The following C3orf70 variants were observed in gnomAD, a reference collection of about 807,000 sequenced individuals.
C3orf70 encodes the protein UPF0524 protein C3orf70.
Under a neutral mutation model 20.7 loss-of-function variants are expected in C3orf70, and 15 were observed. The observed-to-expected ratio is 0.72, with a 90% CI of 0.48 to 1.11. The LOEUF is 1.11. C3orf70 is among the 50% of genes most tolerant of loss of function. The pLI, the probability that C3orf70 is intolerant of heterozygous loss-of-function variation, is 0.00. For missense variants in C3orf70, 332 were observed against 317.6 expected (o/e 1.05, Z -0.34); for synonymous variants, 161 against 125.7 (o/e 1.28, Z -1.88).
intron 1 of C3orf70, among the ~76,000 whole-genome samples, chr3:185,146,539 C>G (rs1716880221): frequency 6.6e-6 from 1 of 152,094 alleles, no homozygotes; most frequent in South Asian, 2.1e-4. Context: ...CCACCCGCCT[C>G]AGCCTCCCAA....
rs10663284 is a variant in C3orf70, at chr3:185,077,789, T to TGGGGGGGGGGGG, written c.*5217_*5218insCCCCCCCCCCCC. On this transcript the variant is annotated 3_prime_UTR_variant, in exon 2 of 2. Transcript: ENST00000335012. The stretch of plus-strand genomic sequence containing the variant: ...TGAAATAAATGCTATTTGGTGGTGG[T>TGGGGGGGGGGGG]GGGGGGGGGGTATCAAGTTTTATTT... Among the ~76,000 whole-genome samples, 2 of 124,194 alleles carry TGGGGGGGGGGGG rather than the reference T, an allele frequency of 1.6e-5. No homozygotes were observed. Among genetic ancestry groups the TGGGGGGGGGGGG allele is most frequent in the Non-Finnish European group, 1.7e-5 (1 of 59,476 alleles). 81.5% of individuals were successfully genotyped at this position (124,194 alleles called of 152,430 possible). A position where few individuals can be genotyped will look rare whatever the true frequency, so the allele number is the denominator to read the frequency against.
At chr3:185,093,759 T>C (rs973233879) in intron 1 of C3orf70, among the ~76,000 whole-genome samples, 5 of 151,818 alleles carry the variant, frequency 3.3e-5, no homozygotes, top group African/African-American at 1.2e-4. Context: ...GTGATATGCC[T>C]TGTGCAACAA....
At chr3:185,139,521 C>A (rs1716701762) in intron 1 of C3orf70, among the ~76,000 whole-genome samples, 1 of 150,140 alleles carries the variant, frequency 6.7e-6, no homozygotes, top group South Asian at 2.1e-4. Context: ...CCACTGCACT[C>A]CAGCCTGGGT....
intron 1 of C3orf70, among the ~76,000 whole-genome samples, chr3:185,109,502 C>T (rs1415982660): frequency 2.6e-5 from 4 of 152,162 alleles, no homozygotes; most frequent in African/African-American, 4.8e-5. Context: ...CCAACTGACA[C>T]AAGCAACACC....
At chr3:185,117,412 CACACAT>C (rs1716197131) in intron 1 of C3orf70, among the ~76,000 whole-genome samples, 1 of 130,674 alleles carries the variant, frequency 7.7e-6, no homozygotes, top group Non-Finnish European at 1.6e-5. Context: ...TTGTGTACCA[CACACAT>C]ACACACACAC....
At position 185,080,189 on chromosome 3, in the gene C3orf70, A is replaced by G. The variant is rs950546793; in HGVS notation, c.*2818T>C. 3.9e-5 allele frequency: 6 copies of G among 152,668 alleles called. No homozygotes were observed. Among genetic ancestry groups the G allele is most frequent in the African/African-American group, 1.4e-4 (6 of 41,470 alleles). The allele number at this position is 152,668 out of a possible 1,614,324, so 9.5% of individuals were successfully genotyped here. A position where few individuals can be genotyped will look rare whatever the true frequency, so the allele number is the denominator to read the frequency against. ...GCTTAGAATCCAATGGAATGTCTCT[A>G]ATTCTATATAGTAGATAGTAGCAAG... On this transcript the variant is annotated 3_prime_UTR_variant, in exon 2 of 2. Transcript: ENST00000335012.
At chr3:185,107,651 G>C (rs1305188945) in intron 1 of C3orf70, among the ~76,000 whole-genome samples, 3 of 152,168 alleles carry the variant, frequency 2.0e-5, no homozygotes, top group Non-Finnish European at 4.4e-5. Context: ...TGAACAATTA[G>C]AAAATGGGCA....
chr3:185,091,963 A>ATT (rs146504613), intron 1 of C3orf70, among the ~76,000 whole-genome samples: 9 of 15,742 alleles, frequency 5.7e-4, no homozygotes, highest in East Asian at 2.3e-3. Flanking sequence ...ATATATATAT[A>ATT]TTTTTTTTTT....
At chr3:185,148,637 C>T (rs994378074) in intron 1 of C3orf70, among the ~76,000 whole-genome samples, 27 of 152,322 alleles carry the variant, frequency 1.8e-4, no homozygotes, top group Admixed American at 1.8e-3. Flanking sequence ...TCTCTCAAAA[C>T]GCCTCTTGAA....
Position 185,105,937 on chromosome 3 carries a change from A to G in C3orf70, c.197-22374T>C, listed in dbSNP as rs528542445. Among the ~76,000 whole-genome samples, 3 of 152,328 alleles carry G rather than the reference A, an allele frequency of 2.0e-5. No homozygotes were observed. The South Asian group carries it at 6.2e-4, about 32-fold the overall frequency. On this transcript the variant is annotated intron_variant, in intron 1 of 1. Transcript: ENST00000335012. ...ACTGATGATGAGGAGGAAGGAGAGT[A>G]TAGCAAAGTAACAGAAGAGGTTACA...
intron 1 of C3orf70, among the ~76,000 whole-genome samples, chr3:185,103,708 C>T (rs16859612): frequency 0.052 from 7,873 of 152,174 alleles, 649 homozygotes; most frequent in African/African-American, 0.18. Context: ...GACTGGTCCT[C>T]GGAGAAGCAG....
chr3:185,134,852 T>C (rs1429432328), intron 1 of C3orf70, among the ~76,000 whole-genome samples: 2 of 152,002 alleles, frequency 1.3e-5, no homozygotes, highest in African/African-American at 4.8e-5. Flanking sequence ...CCCATGGTGG[T>C]ATCAGTGGAG....
chr3:185,135,922 GA>G (rs977143663), intron 1 of C3orf70, among the ~76,000 whole-genome samples: 27 of 151,588 alleles, frequency 1.8e-4, no homozygotes, highest in African/African-American at 6.3e-4. Context: ...TAAAAAACAA[GA>G]AAAAAATAAA....
At position 185,120,780 on chromosome 3, in the gene C3orf70, T is replaced by C. The variant is rs560340827; in HGVS notation, c.196+31848A>G. Among the ~76,000 whole-genome samples the C allele has an allele frequency of 2.1e-4, 32 of 150,190 alleles. No individual in the cohort carries two copies. In the South Asian group the frequency reaches 6.3e-3, roughly 30 times the overall value. ...AAAGGGAACACTTCTACACTGCTGG[T>C]GGGAATGTAAACTAGTACAACCACT... On this transcript the variant is annotated intron_variant, in intron 1 of 1. Coordinates refer to ENST00000335012, the MANE Select transcript of C3orf70 (RefSeq NM_001025266.3).
At chr3:185,094,475 T>C (rs1715660698) in intron 1 of C3orf70, among the ~76,000 whole-genome samples, 1 of 152,136 alleles carries the variant, frequency 6.6e-6, no homozygotes, top group Non-Finnish European at 1.5e-5. Flanking sequence ...AGCCGGTGGA[T>C]ATGAAGAGCC....
intron 1 of C3orf70, among the ~76,000 whole-genome samples, chr3:185,098,742 G>A (rs969801825): frequency 6.6e-6 from 1 of 152,208 alleles, no homozygotes; most frequent in African/African-American, 2.4e-5. Flanking sequence ...TGCTTTGAAT[G>A]AGATTAACAT....
chr3:185,135,548 T>C (rs1716607284), intron 1 of C3orf70, among the ~76,000 whole-genome samples: 1 of 152,180 alleles, frequency 6.6e-6, no homozygotes, highest in Non-Finnish European at 1.5e-5. Flanking sequence ...AAACATACAT[T>C]AGACAAAAGG....
At chr3:185,094,357 G>A (rs1468196852) in intron 1 of C3orf70, among the ~76,000 whole-genome samples, 1 of 152,068 alleles carries the variant, frequency 6.6e-6, no homozygotes, top group East Asian at 1.9e-4. Flanking sequence ...GATTACAGGC[G>A]TGAGCCGCTG....
At chr3:185,093,137 C>A (rs1715629885) in intron 1 of C3orf70, among the ~76,000 whole-genome samples, 1 of 152,164 alleles carries the variant, frequency 6.6e-6, no homozygotes, top group South Asian at 2.1e-4. Context: ...CAGTATCATG[C>A]TGATATCTGG....
Sources: allele counts gnomAD v4.1 joint callset (sites outside exome capture counted in the v4.1 genomes callset), GRCh38; gene constraint gnomAD v4.1.1; transcripts MANE v1.5; gene names NCBI Gene and HGNC (gene_info 2026-07-23, HGNC 2026-07-21).